The following RIGI variants were observed in gnomAD, a reference collection of about 807,000 sequenced individuals.
RIGI encodes the protein RNA sensor RIG-I.
At chr9:32,511,267 G>C in the RIGI span, among the ~76,000 whole-genome samples, 1 of 152,012 alleles carries the variant, frequency 6.6e-6, no homozygotes, top group East Asian at 1.9e-4. Flanking sequence ...CTCCACCCCA[G>C]ATGAATAGAA....
the RIGI span, among the ~76,000 whole-genome samples, chr9:32,501,475 AG>A: frequency 6.6e-6 from 1 of 152,152 alleles, no homozygotes; most frequent in Admixed American, 6.5e-5. Flanking sequence ...ACTGCACTCC[AG>A]CCTGGACAAC....
At chr9:32,473,576 C>G in the RIGI span, among the ~76,000 whole-genome samples, 1 of 152,048 alleles carries the variant, frequency 6.6e-6, no homozygotes, top group South Asian at 2.1e-4. Flanking sequence ...TGAGCCACCG[C>G]ACCTGGCCAT....
chr9:32,504,909 A>G, the RIGI span, among the ~76,000 whole-genome samples: 1 of 139,530 alleles, frequency 7.2e-6, no homozygotes, highest in Non-Finnish European at 1.5e-5. Flanking sequence ...AAAAGTATAT[A>G]TTATATCTAT....
the RIGI span, among the ~76,000 whole-genome samples, chr9:32,464,137 G>C: frequency 0.52 from 78,347 of 150,748 alleles, 20,686 homozygotes; most frequent in Middle Eastern, 0.67. Context: ...AAAGCAGTCT[G>C]CCAGTACTCT....
At chr9:32,483,237 C>G in the RIGI span, among the ~76,000 whole-genome samples, 1 of 152,140 alleles carries the variant, frequency 6.6e-6, no homozygotes, top group Non-Finnish European at 1.5e-5. Context: ...AATTCTTCCC[C>G]TCACTCATTC....
At chr9:32,463,507 G>A in the RIGI span, among the ~76,000 whole-genome samples, 7 of 152,112 alleles carry the variant, frequency 4.6e-5, no homozygotes, top group Non-Finnish European at 8.8e-5. Flanking sequence ...ACTTATAATG[G>A]TATTCAATTA....
chr9:32,491,439 G>GT, the RIGI span: 3 of 1,577,768 alleles, frequency 1.9e-6, no homozygotes, highest in Admixed American at 5.6e-5. Flanking sequence ...GACCAAAAAA[G>GT]TCTTAGAATC....
At chr9:32,496,724 C>A in the RIGI span, among the ~76,000 whole-genome samples, 1 of 152,146 alleles carries the variant, frequency 6.6e-6, no homozygotes, top group South Asian at 2.1e-4. Flanking sequence ...TAAATATATC[C>A]TATTGCTTTT....
At chr9:32,457,165 T>G in the RIGI span, 1 of 1,614,042 alleles carries the variant, frequency 6.2e-7, no homozygotes, top group Non-Finnish European at 8.5e-7. Flanking sequence ...CTTCTCAAAA[T>G]GAAAGTCCTT....
At chr9:32,489,329 T>A in the RIGI span, 1 of 1,559,582 alleles carries the variant, frequency 6.4e-7, no homozygotes, top group South Asian at 1.1e-5. Flanking sequence ...ATGTAAGTAA[T>A]GGCAATAGGC....
chr9:32,491,221 C>A, the RIGI span: 1 of 1,521,762 alleles, frequency 6.6e-7, no homozygotes. Context: ...AAGGCTGTGA[C>A]TTTGGGTACT....
the RIGI span, chr9:32,456,891 G>A: frequency 3.1e-5 from 15 of 478,912 alleles, no homozygotes; most frequent in Non-Finnish European, 4.4e-5. Context: ...CTAGAAATGA[G>A]GCTTTTTAAT....
At chr9:32,523,789 T>C in the RIGI span, among the ~76,000 whole-genome samples, 2 of 151,990 alleles carry the variant, frequency 1.3e-5, no homozygotes, top group Admixed American at 6.6e-5. Context: ...CAATGCAAAT[T>C]CTATTTTGGT....
the RIGI span, among the ~76,000 whole-genome samples, chr9:32,479,568 G>T: frequency 6.6e-6 from 1 of 152,102 alleles, no homozygotes; most frequent in African/African-American, 2.4e-5. Flanking sequence ...CAGGCACAGT[G>T]GCTCATGCCT....
the RIGI span, among the ~76,000 whole-genome samples, chr9:32,514,799 A>G: frequency 6.6e-6 from 1 of 152,194 alleles, no homozygotes; most frequent in Non-Finnish European, 1.5e-5. Flanking sequence ...TCAACTCTAC[A>G]TGCCTAGTTT....
chr9:32,465,290 A>G, the RIGI span, among the ~76,000 whole-genome samples: 1 of 152,222 alleles, frequency 6.6e-6, no homozygotes, highest in East Asian at 1.9e-4. Flanking sequence ...ACTAGTAAAC[A>G]TTGACAAAGT....
chr9:32,499,311 G>GTTTTTT, the RIGI span, among the ~76,000 whole-genome samples: 97 of 81,102 alleles, frequency 1.2e-3, no homozygotes, highest in African/African-American at 2.0e-3. Flanking sequence ...CAGAGTTTGT[G>GTTTTTT]ATTTGTTTTT....
At chr9:32,464,580 G>A in the RIGI span, among the ~76,000 whole-genome samples, 1 of 151,988 alleles carries the variant, frequency 6.6e-6, no homozygotes, top group Admixed American at 6.6e-5. Context: ...TAGTAGAGAC[G>A]GGGTTTCACC....
the RIGI span, chr9:32,477,085 C>T: frequency 3.1e-6 from 5 of 1,614,126 alleles, no homozygotes; most frequent in South Asian, 4.4e-5. Context: ...GTTTAGGATT[C>T]TCATTGCTGG....
Sources: allele counts gnomAD v4.1 joint callset (sites outside exome capture counted in the v4.1 genomes callset), GRCh38; gene constraint gnomAD v4.1.1; transcripts MANE v1.5; gene names NCBI Gene and HGNC (gene_info 2026-07-23, HGNC 2026-07-21).